The following TAX1BP1 variants were observed in gnomAD, a reference collection of about 807,000 sequenced individuals.
TAX1BP1 encodes tax1-binding protein 1.
Under a neutral mutation model 97.7 loss-of-function variants are expected in TAX1BP1, and 62 were observed. The observed-to-expected ratio is 0.63, with a 90% confidence interval of 0.52 to 0.78. The LOEUF is 0.78. TAX1BP1 is among the 30% of genes least tolerant of loss of function. The pLI is 0.00. For missense variants in TAX1BP1, 867 were observed against 916.1 expected, an observed-to-expected ratio of 0.95 and a Z score of 0.69; for synonymous variants, 340 against 304.2, an observed-to-expected ratio of 1.12 and a Z score of -1.23.
intron 1 of TAX1BP1, among the ~76,000 whole-genome samples, chr7:27,743,804 T>A (rs376124438): frequency 0.67 from 2,655 of 3,992 alleles, 946 homozygotes; most frequent in East Asian, 0.97. Flanking sequence ...TTTTTTTTTT[T>A]TTTTTTTTTT....
chr7:27,824,479 A>G (rs918794321), intron 15 of TAX1BP1, among the ~76,000 whole-genome samples: 7 of 145,190 alleles, frequency 4.8e-5, no homozygotes, highest in Non-Finnish European at 9.0e-5. Flanking sequence ...GCTGGAGTCC[A>G]GGAGGTCATG....
At position 27,741,615 on chromosome 7, in the gene TAX1BP1, C is replaced by T. The variant is rs564871028; in HGVS notation, c.-8+1346C>T. On this transcript the variant is annotated intron_variant, in intron 1 of 16. Coordinates refer to ENST00000396319, the MANE Select transcript of TAX1BP1 (RefSeq NM_006024.7). ...TCCCAGGTTCAAGCGATTCTCCTGC[C>T]TCAGCCTCCTGAGTACCTGGGATTA... 2.1e-3 allele frequency among the ~76,000 whole-genome samples: 312 copies of T among 152,176 alleles called. 2 individuals carry two copies. Among genetic ancestry groups the T allele is most frequent in the Non-Finnish European group, 2.6e-3 (176 of 68,006 alleles).
At chr7:27,760,766 G>A (rs773318242) in intron 3 of TAX1BP1, among the ~76,000 whole-genome samples, 1 of 152,174 alleles carries the variant, frequency 6.6e-6, no homozygotes, top group Non-Finnish European at 1.5e-5. Context: ...GAGAGCATCA[G>A]CCTGTTTTAA....
intron 5 of TAX1BP1, among the ~76,000 whole-genome samples, chr7:27,781,152 G>C (rs1450370093): frequency 6.6e-6 from 1 of 152,138 alleles, no homozygotes; most frequent in Non-Finnish European, 1.5e-5. Context: ...CACAAAAATA[G>C]TGCTTGGATC....
intron 5 of TAX1BP1, among the ~76,000 whole-genome samples, chr7:27,784,475 A>C (rs1338942344): frequency 6.6e-6 from 1 of 152,174 alleles, no homozygotes; most frequent in Non-Finnish European, 1.5e-5. Flanking sequence ...CACACTGGCA[A>C]GAAGATTAGG....
intron 5 of TAX1BP1, among the ~76,000 whole-genome samples, chr7:27,775,708 T>C (rs942210561): frequency 5.9e-5 from 9 of 152,174 alleles, no homozygotes; most frequent in Non-Finnish European, 7.3e-5. Flanking sequence ...CCCTACCTTC[T>C]GTGGAATCCT....
chr7:27,825,626 A>G (rs777391845), intron 15 of TAX1BP1, among the ~76,000 whole-genome samples: 52 of 152,236 alleles, frequency 3.4e-4, no homozygotes, highest in Non-Finnish European at 6.5e-4. Flanking sequence ...CAAATTATAT[A>G]TGACTTAGAA....
At chr7:27,781,815 T>C (rs1290377908) in intron 5 of TAX1BP1, among the ~76,000 whole-genome samples, 2 of 151,848 alleles carry the variant, frequency 1.3e-5, no homozygotes, top group East Asian at 1.9e-4. Context: ...AGCTCCTGGG[T>C]TCAGGTGATT....
At chr7:27,787,817 A>C (rs1369231964) in intron 8 of TAX1BP1, among the ~76,000 whole-genome samples, 2 of 151,878 alleles carry the variant, frequency 1.3e-5, no homozygotes, top group African/African-American at 2.4e-5. Context: ...TTTTTTTCTG[A>C]GCGATGTGAG....
chr7:27,769,934 C>T, intron 5 of TAX1BP1, 100 bp downstream of exon 5: 1 of 1,172,644 alleles, frequency 8.5e-7, no homozygotes, highest in Non-Finnish European at 1.2e-6. Flanking sequence ...AAACCAGGTA[C>T]TGAGAAAAGT....
intron 5 of TAX1BP1, among the ~76,000 whole-genome samples, chr7:27,780,912 A>T (rs1280364188): frequency 1.3e-5 from 2 of 152,152 alleles, no homozygotes; most frequent in African/African-American, 4.8e-5. Flanking sequence ...AGTTTATTTC[A>T]TAAGACTACA....
At chr7:27,804,075 A>G (rs558653971) in intron 13 of TAX1BP1, among the ~76,000 whole-genome samples, 1 of 152,206 alleles carries the variant, frequency 6.6e-6, no homozygotes, top group South Asian at 2.1e-4. Context: ...AAAACTTGTT[A>G]TCTTCCAGTG....
intron 5 of TAX1BP1, among the ~76,000 whole-genome samples, chr7:27,775,995 G>A (rs116620894): frequency 0.024 from 3,540 of 149,638 alleles, 71 homozygotes; most frequent in East Asian, 0.082. Flanking sequence ...CTGTCTGTTC[G>A]TCTGTCTGTC....
intron 2 of TAX1BP1, among the ~76,000 whole-genome samples, chr7:27,757,229 C>T (rs1421896500): frequency 1.3e-5 from 2 of 152,054 alleles, no homozygotes; most frequent in Non-Finnish European, 2.9e-5. Context: ...TAAACATCTC[C>T]AATTTTCAAT....
chr7:27,816,854 C>T, intron 14 of TAX1BP1, 36 bp from the exon 15 acceptor site: 1 of 1,611,290 alleles, frequency 6.2e-7, no homozygotes, highest in Non-Finnish European at 8.5e-7. Context: ...TTGTAGTAAC[C>T]AGTTTCACTC....
chr7:27,794,915 T>G (rs966398980), intron 11 of TAX1BP1, among the ~76,000 whole-genome samples: 2 of 152,232 alleles, frequency 1.3e-5, no homozygotes, highest in African/African-American at 4.8e-5. Flanking sequence ...TGGGGGTACT[T>G]CTTCCCTTGT....
chr7:27,815,968 A>C (rs1226938028), intron 13 of TAX1BP1, among the ~76,000 whole-genome samples: 1 of 152,168 alleles, frequency 6.6e-6, no homozygotes, highest in Non-Finnish European at 1.5e-5. Flanking sequence ...CAGGAGGTGG[A>C]GGTTGCAGTG....
At chr7:27,760,828 A>C (rs940184826) in intron 3 of TAX1BP1, among the ~76,000 whole-genome samples, 1 of 152,182 alleles carries the variant, frequency 6.6e-6, no homozygotes, top group Non-Finnish European at 1.5e-5. Context: ...GTGATTTCCA[A>C]ACTTAACTTT....
At chr7:27,742,390 G>A (rs904422667) in intron 1 of TAX1BP1, among the ~76,000 whole-genome samples, 6 of 152,212 alleles carry the variant, frequency 3.9e-5, no homozygotes, top group African/African-American at 1.4e-4. Context: ...GGAGCATGCT[G>A]CCTTCAAGCA....
Sources: allele counts gnomAD v4.1 joint callset (sites outside exome capture counted in the v4.1 genomes callset), GRCh38; gene constraint gnomAD v4.1.1; transcripts MANE v1.5; gene names NCBI Gene and HGNC (gene_info 2026-07-23, HGNC 2026-07-21).